CALHM4: variants seen among roughly 807,000 people sequenced by gnomAD.
CALHM4 encodes the protein calcium homeostasis modulator family member 4.
Under a neutral mutation model 13.3 loss-of-function variants are expected in CALHM4, and 16 were observed. That is an observed-to-expected ratio of 1.20 (90% CI 0.81 to 1.82). CALHM4 has a LOEUF of 1.82. Ranked by LOEUF, CALHM4 falls within the 40% of genes most tolerant of loss-of-function variation. The probability of loss-of-function intolerance (pLI) is 0.00; values close to 1 mark genes in which losing one functional copy is unlikely to be tolerated. For missense variants in CALHM4, 344 were observed against 374.9 expected (o/e 0.92, Z 0.68); for synonymous variants, 127 against 137.1 (o/e 0.93, Z 0.52).
rs1491466876 is a variant in CALHM4, at chr6:116,560,649, TTG to T, written c.*2439_*2440del. ...TCAAATAAATGGAATTTTTAGTATTTTGGGGGGGGGGGGGGCTATGGTCTATA... is the reference window on the plus strand; with the variant it reads ...TCAAATAAATGGAATTTTTAGTATTTGGGGGGGGGGGGGCTATGGTCTATA... On this transcript the variant is annotated 3_prime_UTR_variant, in exon 2 of 2. Coordinates refer to ENST00000368596, the MANE Select transcript of CALHM4 (RefSeq NM_001366078.2). Among the ~76,000 whole-genome samples the T allele has an allele frequency of 3.4e-3, 80 of 23,552 alleles. No homozygotes were observed. The highest frequency in any genetic ancestry group is 0.011 in the African/African-American group (77 of 6,758). The allele number at this position is 23,552 out of a possible 152,430, so 15.5% of individuals were successfully genotyped here.
chr6:116,548,345 A>G (rs1207004804), intron 2 of CALHM4, among the ~76,000 whole-genome samples: 2 of 152,200 alleles, frequency 1.3e-5, no homozygotes, highest in South Asian at 2.1e-4. Context: ...TCTGGTGTTT[A>G]TACTAGTCTG....
chr6:116,553,267 C>T (rs1774160546), upstream of CALHM4, among the ~76,000 whole-genome samples: 1 of 152,178 alleles, frequency 6.6e-6, no homozygotes, highest in South Asian at 2.1e-4. Context: ...TTGTTCTTTC[C>T]TTGGGGAAAT....
intron 2 of CALHM4, among the ~76,000 whole-genome samples, chr6:116,547,968 G>A (rs984650977): frequency 4.6e-5 from 7 of 152,168 alleles, no homozygotes; most frequent in African/African-American, 1.4e-4. Context: ...TAGACACTTG[G>A]GAAGGTGCTA....
At chr6:116,543,340 C>T (rs1310846700) in intron 1 of CALHM4, 2 of 1,549,882 alleles carry the variant, frequency 1.3e-6, no homozygotes, top group Non-Finnish European at 1.7e-6. Context: ...TCATCCTTCT[C>T]ATAATCCTTA....
At position 116,558,390 on chromosome 6, in the gene CALHM4, C is replaced by T; in HGVS notation, c.*179C>T. 1 of 794,732 alleles carries T rather than the reference C, an allele frequency of 1.3e-6. No homozygotes were observed. The highest frequency in any genetic ancestry group is 1.8e-6 in the Non-Finnish European group (1 of 545,098). 49.2% of individuals were successfully genotyped at this position (794,732 alleles called of 1,614,324 possible). A position where few individuals can be genotyped will look rare whatever the true frequency, so the allele number is the denominator to read the frequency against. On this transcript the variant is annotated 3_prime_UTR_variant, in exon 2 of 2. Transcript: ENST00000368596. ...CTATTAGATAATTGTGCCAATCTCT[C>T]ATTTTGAAATTTTGCCAATGGTCTG... is the stretch of plus-strand genomic sequence containing the variant.
In CALHM4 at chr6:116,554,037, T is replaced by C. The variant is rs1325245152; in HGVS notation, c.244T>C (p.Cys82Arg). 3.9e-6 allele frequency: 6 copies of C among 1,550,624 alleles called. No homozygotes were observed. The highest frequency in any genetic ancestry group is 5.2e-6 in the Non-Finnish European group (6 of 1,147,036). The change falls in exon 1 of 2, where the codon TGC becomes CGC. Residue 82 changes from cysteine (C) to arginine (R), a missense_variant. Physicochemically the swap from Cys to Arg is radical, Grantham distance 180. Coordinates refer to ENST00000368596, the MANE Select transcript of CALHM4 (RefSeq NM_001366078.2). ...SQMWTITGEY[C>R]CSCAPPYRRI... Reference sequence around the variant, plus strand: ...AATGTGGACAATTACCGGTGAATACTGCTGCAGCTGTGCCCCTCCATACAG... The same window carrying C: ...AATGTGGACAATTACCGGTGAATACCGCTGCAGCTGTGCCCCTCCATACAG...
Position 116,557,972 on chromosome 6 carries a change from G to T in CALHM4, c.706G>T (p.Ala236Ser). 6.2e-7 allele frequency: 1 copy of T among 1,614,148 alleles called. No individual in the cohort carries two copies. Among genetic ancestry groups the T allele is most frequent in the Middle Eastern group, 1.6e-4 (1 of 6,062 alleles). ...TGAGAGAGAACTCTTTGAACAAGCA[G>T]CAGAGCAGCACTCTCGGCTCCTCAT... is the stretch of plus-strand genomic sequence containing the variant. The part of the protein sequence containing the change: ...QNERELFEQA[A>S]EQHSRLLMMH... Residue 236 changes from alanine to serine, a missense_variant, in exon 2 of 2, where the codon GCA (alanine) becomes TCA (serine). Physicochemically the swap from Ala to Ser is moderately conservative, Grantham distance 99. Transcript: ENST00000368596.
chr6:116,533,164 C>T (rs976755281), intron 1 of CALHM4, among the ~76,000 whole-genome samples: 1 of 152,082 alleles, frequency 6.6e-6, no homozygotes, highest in Admixed American at 6.6e-5. Context: ...GAGTTCTTGG[C>T]CACAGTGTCA....
chr6:116,557,227 A>G (rs947391975), intron 1 of CALHM4, among the ~76,000 whole-genome samples: 3 of 152,084 alleles, frequency 2.0e-5, no homozygotes, highest in Non-Finnish European at 4.4e-5. Flanking sequence ...ATGAGCCACC[A>G]CACCCAGCCA....
intron 2 of CALHM4, among the ~76,000 whole-genome samples, chr6:116,547,299 A>T (rs1773840188): frequency 6.6e-6 from 1 of 152,158 alleles, no homozygotes; most frequent in African/African-American, 2.4e-5. Flanking sequence ...GCTTGCTGCG[A>T]GGTGATGGCG....
chr6:116,531,822 T>C (rs1772742756), intron 1 of CALHM4, among the ~76,000 whole-genome samples: 1 of 151,036 alleles, frequency 6.6e-6, no homozygotes, highest in African/African-American at 2.4e-5. Flanking sequence ...ATATAATAAA[T>C]AATGGAAAAA....
chr6:116,549,866 C>T (rs942957217), upstream of CALHM4, among the ~76,000 whole-genome samples: 4 of 150,542 alleles, frequency 2.7e-5, no homozygotes, highest in Non-Finnish European at 5.9e-5. Context: ...ATCCCAACTA[C>T]TCGGTAGGCT....
chr6:116,554,285 A>C lies in CALHM4; in HGVS notation c.492A>C (p.Arg164Ser). The change falls in exon 1 of 2, where the codon AGA becomes AGC. Residue 164 changes from arginine to serine, a missense_variant. Coordinates refer to ENST00000368596, the MANE Select transcript of CALHM4 (RefSeq NM_001366078.2). ...EEILAGFPCC[R>S]SAPSDVILVR... The stretch of plus-strand genomic sequence containing the variant: ...TCCTGGCTGGGTTTCCATGTTGCAG[A>C]TCAGCTCCTTCTGACGTGATCCTAG... 1 of 1,550,530 alleles carries C rather than the reference A, an allele frequency of 6.4e-7. No homozygotes were observed. The highest frequency in any genetic ancestry group is 8.7e-7 in the Non-Finnish European group (1 of 1,147,004).
At position 116,558,404 on chromosome 6, in the gene CALHM4, G is replaced by T; in HGVS notation, c.*193G>T. On this transcript the variant is annotated 3_prime_UTR_variant, in exon 2 of 2. Transcript: ENST00000368596. Reference sequence around the variant, plus strand: ...TGCCAATCTCTCATTTTGAAATTTTGCCAATGGTCTGGTAATGCCTAGAGT... The same window carrying T: ...TGCCAATCTCTCATTTTGAAATTTTTCCAATGGTCTGGTAATGCCTAGAGT... The T allele has an allele frequency of 1.5e-6, 1 of 682,122 alleles. No homozygotes were observed. The highest frequency in any genetic ancestry group is 3.1e-5 in the East Asian group (1 of 32,496). 42.3% of individuals were successfully genotyped at this position (682,122 alleles called of 1,614,324 possible). A position where few individuals can be genotyped will look rare whatever the true frequency, so the allele number is the denominator to read the frequency against.
chr6:116,560,399 G>A lies in CALHM4; in HGVS notation c.*2188G>A, dbSNP rs897589099. 6.6e-6 allele frequency among the ~76,000 whole-genome samples: 1 copy of A among 152,144 alleles called. No homozygotes were observed. Among genetic ancestry groups the A allele is most frequent in the Non-Finnish European group, 1.5e-5 (1 of 68,018 alleles). ...TAATACCAGGAAACTATTTCCACTA[G>A]CTTCTGAAGCCCTTCTACATCAAAC... On this transcript the variant is annotated 3_prime_UTR_variant, in exon 2 of 2. Transcript: ENST00000368596.
intron 1 of CALHM4, among the ~76,000 whole-genome samples, chr6:116,533,048 C>T (rs532700208): frequency 1.1e-4 from 17 of 152,342 alleles, no homozygotes; most frequent in African/African-American, 4.1e-4. Context: ...CCAGCTACAT[C>T]TTTCACTGGG....
intron 1 of CALHM4, among the ~76,000 whole-genome samples, chr6:116,538,603 G>A (rs1012056280): frequency 7.2e-5 from 11 of 152,100 alleles, no homozygotes; most frequent in Admixed American, 2.6e-4. Context: ...TTCTTCAAAT[G>A]TTCAAAGCCT....
upstream of CALHM4, among the ~76,000 whole-genome samples, chr6:116,550,531 C>T (rs1774031351): frequency 6.6e-6 from 1 of 152,110 alleles, no homozygotes; most frequent in Non-Finnish European, 1.5e-5. Flanking sequence ...ACATAAAGTT[C>T]TTAGAGCAGT....
At chr6:116,555,587 T>C (rs1406437328) in intron 1 of CALHM4, among the ~76,000 whole-genome samples, 1 of 152,220 alleles carries the variant, frequency 6.6e-6, no homozygotes, top group East Asian at 1.9e-4. Context: ...CTGATATTAC[T>C]ACCCCATTTT....
Sources: allele counts gnomAD v4.1 joint callset (sites outside exome capture counted in the v4.1 genomes callset), GRCh38; gene constraint gnomAD v4.1.1; transcripts MANE v1.5; gene names NCBI Gene and HGNC (gene_info 2026-07-23, HGNC 2026-07-21).